DNAH6: variants seen among roughly 807,000 people sequenced by gnomAD.
The protein encoded by DNAH6 is axonemal beta dynein heavy chain 6.
In DNAH6, 340 loss-of-function variants were observed where a neutral mutation model predicts 491.4. The observed-to-expected ratio is 0.69, with a 90% confidence interval of 0.63 to 0.76. The LOEUF (loss-of-function observed/expected upper bound fraction) is 0.76. DNAH6 is among the 30% of genes least tolerant of loss of function. The pLI, the probability that DNAH6 is intolerant of heterozygous loss-of-function variation, is 0.00. For synonymous variants in DNAH6, 1,603 were observed against 1,686.1 expected (o/e 0.95, Z 1.21); for missense variants, 4,443 against 4,972.2 (o/e 0.89, Z 3.20).
the DNAH6 span, among the ~76,000 whole-genome samples, chr2:84,477,503 C>G: frequency 6.6e-6 from 1 of 152,182 alleles, no homozygotes; most frequent in Non-Finnish European, 1.5e-5. Context: ...ATTCTTTTGA[C>G]TACCCACCTC....
chr2:84,624,175 A>G (rs1687643279), intron 26 of DNAH6, 90 bp from the exon 27 acceptor site: 1 of 1,202,024 alleles, frequency 8.3e-7, no homozygotes, highest in Non-Finnish European at 1.1e-6. Context: ...GTTTTTAGCA[A>G]TGTCTCTCCA....
At chr2:84,723,635 C>G (rs1057141835) in intron 60 of DNAH6, among the ~76,000 whole-genome samples, 4 of 152,154 alleles carry the variant, frequency 2.6e-5, no homozygotes, top group Non-Finnish European at 5.9e-5. Context: ...TTTCCCAAAC[C>G]TTTTATGCAA....
chr2:84,819,158 A>T, intron 76 of DNAH6, 147 bp from the exon 77 acceptor site: 2 of 558,388 alleles, frequency 3.6e-6, no homozygotes, highest in South Asian at 4.6e-5. Flanking sequence ...AGAGCATAAA[A>T]CAGACCCATA....
intron 31 of DNAH6, among the ~76,000 whole-genome samples, chr2:84,640,201 A>G (rs1689260662): frequency 6.6e-6 from 1 of 152,174 alleles, no homozygotes; most frequent in Non-Finnish European, 1.5e-5. Flanking sequence ...ATCTTCATCT[A>G]CACATGGAAA....
the DNAH6 span, among the ~76,000 whole-genome samples, chr2:84,477,922 C>A: frequency 6.6e-6 from 1 of 152,242 alleles, no homozygotes; most frequent in East Asian, 1.9e-4. Context: ...ATGCCCAGTT[C>A]TGACAACTTC....
chr2:84,543,756 A>T (rs1439643352), intron 4 of DNAH6, among the ~76,000 whole-genome samples: 1 of 152,162 alleles, frequency 6.6e-6, no homozygotes, highest in Non-Finnish European at 1.5e-5. Flanking sequence ...ATCAATAATA[A>T]ATATTTTGTT....
At chr2:84,605,239 G>A (rs1220124476) in intron 19 of DNAH6, among the ~76,000 whole-genome samples, 2 of 151,572 alleles carry the variant, frequency 1.3e-5, no homozygotes, top group Non-Finnish European at 2.9e-5. Context: ...TGTAGTCCCA[G>A]CTACTCGGGA....
chr2:84,800,527 T>G (rs968258214), intron 70 of DNAH6, among the ~76,000 whole-genome samples: 1 of 152,002 alleles, frequency 6.6e-6, no homozygotes, highest in African/African-American at 2.4e-5. Flanking sequence ...AATCCAAGGT[T>G]TGAAAGATGA....
At chr2:84,682,545 T>A (rs573506069) in intron 42 of DNAH6, among the ~76,000 whole-genome samples, 1 of 152,242 alleles carries the variant, frequency 6.6e-6, no homozygotes, top group Admixed American at 6.5e-5. Flanking sequence ...AGCTTCCTTC[T>A]CAGTGTGCAC....
intron 64 of DNAH6, chr2:84,777,414 C>T (rs1394425463): frequency 3.6e-6 from 2 of 548,652 alleles, no homozygotes; most frequent in Non-Finnish European, 6.8e-6. Flanking sequence ...TCCTTTATTC[C>T]ATAGAGACCC....
intron 33 of DNAH6, among the ~76,000 whole-genome samples, chr2:84,651,993 T>A (rs1350069562): frequency 1.3e-5 from 2 of 152,008 alleles, no homozygotes; most frequent in Admixed American, 6.5e-5. Context: ...TTATATAAGA[T>A]GGTACTTTGA....
At chr2:84,500,075 T>G in the DNAH6 span, among the ~76,000 whole-genome samples, 5 of 152,200 alleles carry the variant, frequency 3.3e-5, no homozygotes, top group East Asian at 5.8e-4. Flanking sequence ...TGCCTGCGCT[T>G]GTGGGGTATT....
At chr2:84,496,194 C>G in the DNAH6 span, among the ~76,000 whole-genome samples, 3 of 152,196 alleles carry the variant, frequency 2.0e-5, no homozygotes, top group Non-Finnish European at 4.4e-5. Flanking sequence ...CAGCAGTGCT[C>G]CTGATCCATT....
chr2:84,740,530 G>T (rs1279268279), intron 62 of DNAH6, among the ~76,000 whole-genome samples: 1 of 152,186 alleles, frequency 6.6e-6, no homozygotes, highest in Admixed American at 6.5e-5. Flanking sequence ...ACCACCTTCA[G>T]TGGCTGGCAC....
Position 84,715,561 on chromosome 2 carries a change from T to A in DNAH6, c.9545T>A (p.Val3182Glu). 1 of 1,551,314 alleles carries A rather than the reference T, an allele frequency of 6.4e-7. No homozygotes were observed. Among genetic ancestry groups the A allele is most frequent in the Non-Finnish European group, 8.7e-7 (1 of 1,146,808 alleles). The part of the protein sequence containing the change: ...KMPNPHYLPE[V>E]CIKVTIINFT... Reference sequence around the variant, plus strand: ...ATGCACTCTGTGCTTCTCTTCCAGGTATGCATTAAAGTTACCATTATCAAT... The same window carrying A: ...ATGCACTCTGTGCTTCTCTTCCAGGAATGCATTAAAGTTACCATTATCAAT... The change falls in exon 58 of 77, where the codon GTA becomes GAA. Residue 3182 changes from valine (V) to glutamate (E), a missense_variant and splice_region_variant. Around this residue, in one of 3 missense-constraint regions of DNAH6, gnomAD observed 1,463 missense variants for 1,656.6 expected, o/e 0.88. Transcript: ENST00000389394.
At chr2:84,793,696 G>T (rs117151811) in intron 68 of DNAH6, among the ~76,000 whole-genome samples, 1 of 152,220 alleles carries the variant, frequency 6.6e-6, no homozygotes, top group East Asian at 1.9e-4. Context: ...TTACATCTTG[G>T]AATTGCCGAT....
intron 10 of DNAH6, 37 bp from the exon 11 acceptor site, chr2:84,557,698 G>A (rs935925344): frequency 8.3e-6 from 3 of 361,268 alleles, no homozygotes; most frequent in Admixed American, 6.8e-5. Flanking sequence ...ATAAATATAT[G>A]TGTTCACATT....
At chr2:84,499,657 A>G in the DNAH6 span, among the ~76,000 whole-genome samples, 2 of 152,178 alleles carry the variant, frequency 1.3e-5, no homozygotes, top group African/African-American at 2.4e-5. Context: ...GATTCCCGCC[A>G]TCACTGTACA....
intron 5 of DNAH6, among the ~76,000 whole-genome samples, chr2:84,546,444 A>C (rs1268961355): frequency 6.6e-6 from 1 of 152,258 alleles, no homozygotes; most frequent in South Asian, 2.1e-4. Flanking sequence ...AGCATTGTCG[A>C]CCCTACTAAA....
Sources: gnomAD v4.1 joint callset for allele counts (sites outside exome capture counted in the v4.1 genomes callset) on GRCh38, gnomAD v4.1.1 for gene constraint, gnomAD v4.1.1 regional missense constraint, MANE v1.5 for transcripts, NCBI Gene and HGNC (gene_info 2026-07-23, HGNC 2026-07-21) for gene names.